ADGB: variants seen among roughly 807,000 people sequenced by gnomAD.
ADGB encodes the protein androglobin.
ADGB carries 172 observed loss-of-function variants against 210.5 expected under a neutral mutation model. The ratio of observed to expected loss-of-function variants is 0.82; its 90% CI spans 0.72 to 0.93. ADGB has a LOEUF of 0.93. ADGB is among the 40% of genes least tolerant of loss of function. The pLI is 0.00. For synonymous variants in ADGB, 658 were observed against 662.7 expected (o/e 0.99, Z 0.11); for missense variants, 2,025 against 1,964.8 (o/e 1.03, Z -0.58).
intron 13 of ADGB, among the ~76,000 whole-genome samples, chr6:146,714,059 A>T (rs1776696705): frequency 6.6e-6 from 1 of 152,068 alleles, no homozygotes; most frequent in African/African-American, 2.4e-5. Context: ...TACTCCTCAT[A>T]ATATTGTTTC....
At chr6:146,738,459 TTTTTTTTTTA>T (rs1777112166) in intron 23 of ADGB, among the ~76,000 whole-genome samples, 1 of 132,842 alleles carries the variant, frequency 7.5e-6, no homozygotes, top group African/African-American at 3.4e-5. Flanking sequence ...TTTTTTTTTT[TTTTTTTTTTA>T]GATGGAGTCT....
Position 146,815,013 on chromosome 6 carries a change from G to A in ADGB, c.4819-19G>A. The stretch of plus-strand genomic sequence containing the variant: ...TTTACCAGTGGAACTTATTTGTTTG[G>A]GGTTTTGCTTTGGAACAGGACTCCT... On this transcript the variant is annotated intron_variant, in intron 35 of 35. Coordinates refer to ENST00000397944, the MANE Select transcript of ADGB (RefSeq NM_024694.4). The A allele has an allele frequency of 6.6e-7, 1 of 1,522,618 alleles. No individual in the cohort carries two copies. Among genetic ancestry groups the A allele is most frequent in the Non-Finnish European group, 8.8e-7 (1 of 1,139,320 alleles). The allele number at this position is 1,522,618 out of a possible 1,614,324, so 94.3% of individuals were successfully genotyped here. A position where few individuals can be genotyped will look rare whatever the true frequency, so the allele number is the denominator to read the frequency against.
intron 33 of ADGB, among the ~76,000 whole-genome samples, chr6:146,795,897 T>C (rs1465779008): frequency 6.6e-6 from 1 of 152,020 alleles, no homozygotes; most frequent in Non-Finnish European, 1.5e-5. Context: ...ATATGCACCA[T>C]GGAAGTCAAA....
intron 12 of ADGB, among the ~76,000 whole-genome samples, chr6:146,693,538 G>A (rs931566367): frequency 2.6e-5 from 4 of 152,046 alleles, no homozygotes; most frequent in East Asian, 1.9e-4. Flanking sequence ...ATTTTGTTAC[G>A]GCAGCCCGAG....
At chr6:146,722,441 T>C (rs562277074) in intron 17 of ADGB, among the ~76,000 whole-genome samples, 3 of 152,160 alleles carry the variant, frequency 2.0e-5, no homozygotes, top group African/African-American at 7.2e-5. Context: ...AAAACTTCAC[T>C]ATTGGTTAAA....
rs1239383609 is a variant in ADGB at position 146,665,688 on chromosome 6, A to G, written c.753-1128A>G. Among the ~76,000 whole-genome samples, 4 of 152,092 alleles carry G rather than the reference A, an allele frequency of 2.6e-5. No homozygotes were observed. The East Asian group carries it at 7.7e-4, about 29-fold the overall frequency. On this transcript the variant is annotated intron_variant, in intron 6 of 35. Coordinates refer to ENST00000397944, the MANE Select transcript of ADGB (RefSeq NM_024694.4). ...TTATTATTATTGTTTAAAAAATCCA[A>G]TTAGTAAATAAAGCAACAAGCTAAG...
intron 33 of ADGB, among the ~76,000 whole-genome samples, chr6:146,790,259 A>G (rs1325037054): frequency 2.6e-5 from 4 of 152,148 alleles, no homozygotes; most frequent in African/African-American, 9.7e-5. Flanking sequence ...TCACCAAGCT[A>G]TGCAATAGAA....
At chr6:146,620,405 T>C (rs1399627605) in intron 1 of ADGB, among the ~76,000 whole-genome samples, 2 of 152,094 alleles carry the variant, frequency 1.3e-5, no homozygotes, top group African/African-American at 4.8e-5. Flanking sequence ...GAAATTCCTA[T>C]TGCACAGATA....
At chr6:146,715,447 A>C in intron 14 of ADGB, 32 bp downstream of exon 14, 1 of 1,444,738 alleles carries the variant, frequency 6.9e-7, no homozygotes, top group Non-Finnish European at 9.3e-7. Context: ...GACTTTTTTC[A>C]ATGTACATCA....
chr6:146,668,116 A>T (rs1191962802), intron 7 of ADGB, among the ~76,000 whole-genome samples: 2 of 152,138 alleles, frequency 1.3e-5, no homozygotes, highest in Non-Finnish European at 2.9e-5. Context: ...AGGAATATAG[A>T]TGCACCGTTT....
intron 35 of ADGB, among the ~76,000 whole-genome samples, chr6:146,809,871 AG>A (rs554831218): frequency 5.9e-5 from 9 of 152,196 alleles, no homozygotes; most frequent in East Asian, 5.8e-4. Flanking sequence ...GATTGCATAC[AG>A]AAAAAATCTC....
At chr6:146,677,788 A>G (rs1053627558) in intron 9 of ADGB, among the ~76,000 whole-genome samples, 3 of 152,174 alleles carry the variant, frequency 2.0e-5, no homozygotes, top group Admixed American at 1.3e-4. Context: ...CACTGAGTGT[A>G]TAAGTATCAG....
chr6:146,773,498 G>A (rs957110896), intron 29 of ADGB, among the ~76,000 whole-genome samples: 1 of 152,046 alleles, frequency 6.6e-6, no homozygotes, highest in Non-Finnish European at 1.5e-5. Flanking sequence ...AGACCTAGAA[G>A]TTTAATCACT....
chr6:146,715,390 T>A lies in ADGB; in HGVS notation c.1716T>A (p.Thr572=), dbSNP rs1365238333. The change falls in exon 14 of 36, where the codon ACT becomes ACA. Residue 572 remains threonine, a synonymous_variant. Transcript: ENST00000397944. ...QITKATSQGN[T]ASQVILGKGT... is the part of the protein sequence containing the mutation. ...TTTCTTTTAATTCATAGGGAAATAC[T>A]GCTTCACAAGTTATACTTGGAAAAG... 2.7e-6 allele frequency: 4 copies of A among 1,502,194 alleles called. No homozygotes were observed. The highest frequency in any genetic ancestry group is 2.5e-5 in the Admixed American group (1 of 40,276). 93.1% of individuals were successfully genotyped at this position (1,502,194 alleles called of 1,614,324 possible).
In ADGB at chr6:146,815,345, A is replaced by G; in HGVS notation, c.*128A>G. 2.8e-6 allele frequency: 2 copies of G among 706,094 alleles called. No individual in the cohort carries two copies. The highest frequency in any genetic ancestry group is 4.1e-5 in the South Asian group (1 of 24,134). The allele number at this position is 706,094 out of a possible 1,614,324, so 43.7% of individuals were successfully genotyped here. On this transcript the variant is annotated 3_prime_UTR_variant, in exon 36 of 36. Coordinates refer to ENST00000397944, the MANE Select transcript of ADGB (RefSeq NM_024694.4). ...ATTTCTCTTTCTTAGAAATATTTTA[A>G]TGCTAACTTGTTAGTTTTCCTCAGA...
Position 146,811,441 on chromosome 6 carries a change from T to TTATA in ADGB, c.4819-3579_4819-3576dup, listed in dbSNP as rs3065940. ...TACATGTATGTGTGTCTTTGTGTGT[T>TTATA]TATATATATATATATTCAGGATATT... is the stretch of plus-strand genomic sequence containing the variant. On this transcript the variant is annotated intron_variant, in intron 35 of 35. Coordinates refer to ENST00000397944, the MANE Select transcript of ADGB (RefSeq NM_024694.4). 2.6e-3 allele frequency among the ~76,000 whole-genome samples: 385 copies of TTATA among 150,072 alleles called. 3 individuals are homozygous for TTATA. Among genetic ancestry groups the TTATA allele is most frequent in the African/African-American group, 7.0e-3 (286 of 40,892 alleles).
In ADGB at chr6:146,788,394, A is replaced by G. The variant is rs1223324161; in HGVS notation, c.4321A>G (p.Thr1441Ala). The stretch of plus-strand genomic sequence containing the variant: ...ATGCACATGTCATGTTGTAGTAGAA[A>G]CAGCTGCACGTGGCGTAAAAGAACC... ...SQTKPKEEVE[T>A]AARGVKEPNS... Residue 1441 changes from threonine to alanine, a missense_variant, in exon 33 of 36, where the codon ACA (threonine) becomes GCA (alanine). Coordinates refer to ENST00000397944, the MANE Select transcript of ADGB (RefSeq NM_024694.4). 1 of 1,551,502 alleles carries G rather than the reference A, an allele frequency of 6.4e-7. No individual in the cohort carries two copies. The highest frequency in any genetic ancestry group is 1.2e-5 in the South Asian group (1 of 84,048).
chr6:146,802,910 A>T lies in ADGB; in HGVS notation c.4818+899A>T, dbSNP rs184025975. On this transcript the variant is annotated intron_variant, in intron 35 of 35. Coordinates refer to ENST00000397944, the MANE Select transcript of ADGB (RefSeq NM_024694.4). ...TAATCCACTTAATTGTTGTTTTAAA[A>T]TTTGAATATTTCCATCATTTAAAAT... 2.9e-3 allele frequency: 4,648 copies of T among 1,610,540 alleles called. 11 individuals carry two copies. Among genetic ancestry groups the T allele is most frequent in the Non-Finnish European group, 3.3e-3 (3,929 of 1,178,506 alleles).
At chr6:146,769,159 C>A (rs946361804) in intron 29 of ADGB, 28 bp downstream of exon 29, 1 of 1,125,316 alleles carries the variant, frequency 8.9e-7, no homozygotes, top group Non-Finnish European at 1.3e-6. Context: ...TTTAAACATG[C>A]ACTTTACATT....
Sources: gnomAD v4.1 joint callset for allele counts (sites outside exome capture counted in the v4.1 genomes callset) on GRCh38, gnomAD v4.1.1 for gene constraint, MANE v1.5 for transcripts, NCBI Gene and HGNC (gene_info 2026-07-23, HGNC 2026-07-21) for gene names.